Variants in ESRRG observed in about 807,000 individuals in gnomAD.
The protein encoded by ESRRG is estrogen-related receptor gamma.
A neutral mutation model predicts 44.0 loss-of-function variants in ESRRG; 13 were observed. The observed-to-expected ratio is 0.30, with a 90% CI of 0.19 to 0.47. ESRRG has a LOEUF of 0.47. Ranked by LOEUF, ESRRG falls within the 20% of genes least tolerant of loss-of-function variation. The pLI, the probability that ESRRG is intolerant of heterozygous loss-of-function variation, is 1.00. For synonymous variants in ESRRG, 215 were observed against 214.6 expected (o/e 1.00, Z -0.02); for missense variants, 395 against 580.6 (o/e 0.68, Z 3.29).
chr1:216,753,033 T>C (rs777344908), intron 2 of ESRRG, among the ~76,000 whole-genome samples: 9 of 152,198 alleles, frequency 5.9e-5, no homozygotes, highest in Non-Finnish European at 8.8e-5. Flanking sequence ...AGTAAGTTTA[T>C]ACCAGGATGA....
intron 2 of ESRRG, among the ~76,000 whole-genome samples, chr1:216,766,178 A>G (rs2093065763): frequency 6.6e-6 from 1 of 152,054 alleles, no homozygotes; most frequent in African/African-American, 2.4e-5. Flanking sequence ...TTATTATGTT[A>G]GTATTATGTC....
chr1:216,677,631 C>A lies in ESRRG; in HGVS notation c.57-140G>T, dbSNP rs1223000957. The A allele has an allele frequency of 5.5e-6, 4 of 732,942 alleles. No individual in the cohort carries two copies. In the East Asian group the frequency reaches 1.1e-4, roughly 20 times the overall value. 45.4% of individuals were successfully genotyped at this position (732,942 alleles called of 1,614,324 possible). ...GTAAAAGGAGGAAAAAAACAGAATT[C>A]ATATGTTAAAGACATTGCTCTTTGA... On this transcript the variant is annotated intron_variant, in intron 1 of 6. Coordinates refer to ENST00000408911, the MANE Select transcript of ESRRG (RefSeq NM_001438.4).
intron 2 of ESRRG, among the ~76,000 whole-genome samples, chr1:216,657,382 T>C (rs918692317): frequency 1.3e-5 from 2 of 152,184 alleles, no homozygotes; most frequent in African/African-American, 2.4e-5. Flanking sequence ...TTCCACCAAA[T>C]ACTTTTTGGT....
At chr1:216,948,825 A>G (rs2066499960) in intron 1 of ESRRG, among the ~76,000 whole-genome samples, 1 of 152,182 alleles carries the variant, frequency 6.6e-6, no homozygotes, top group Non-Finnish European at 1.5e-5. Context: ...TAAGGCACTG[A>G]GGAATTAATG....
Position 216,649,346 on chromosome 1 carries a change from C to A in ESRRG, c.589+1627G>T, listed in dbSNP as rs143414143. The stretch of plus-strand genomic sequence containing the variant: ...GCCAAAGGCTATACCATAAAAAGTA[C>A]CCCCATCCTCATTTTCATTCACCAA... On this transcript the variant is annotated intron_variant, in intron 3 of 6. Transcript: ENST00000408911. Among the ~76,000 whole-genome samples, 583 of 152,022 alleles carry A rather than the reference C, an allele frequency of 3.8e-3. 4 individuals are homozygous for A. The highest frequency in any genetic ancestry group is 0.013 in the African/African-American group (555 of 41,496).
intron 2 of ESRRG, among the ~76,000 whole-genome samples, chr1:216,821,209 G>A (rs754296787): frequency 1.3e-5 from 2 of 152,134 alleles, no homozygotes; most frequent in African/African-American, 2.4e-5. Context: ...CAGGACAAAT[G>A]TGTCCATTTA....
At position 216,843,141 on chromosome 1, in the gene ESRRG, C is replaced by CTT. The variant is rs5780933; in HGVS notation, c.-14+96439_-14+96440dup. 3.2e-3 allele frequency among the ~76,000 whole-genome samples: 482 copies of CTT among 149,770 alleles called. 2 individuals carry two copies. The highest frequency in any genetic ancestry group is 0.011 in the African/African-American group (439 of 40,774). On this transcript the variant is annotated intron_variant, in intron 2 of 7. Transcript: ENST00000359162. ...GAATGGGAAATAAATGAGAGATAGT[C>CTT]TTTTTTTTTTCTTAAATTTCCATGC...
chr1:216,585,783 C>G (rs1248631903), intron 3 of ESRRG, among the ~76,000 whole-genome samples: 1 of 151,920 alleles, frequency 6.6e-6, no homozygotes, highest in Non-Finnish European at 1.5e-5. Flanking sequence ...TAAAAAGTTA[C>G]TTTTCCCAGC....
intron 1 of ESRRG, among the ~76,000 whole-genome samples, chr1:217,133,641 C>CTTTCTT (rs748711287): frequency 0.016 from 653 of 41,684 alleles, 6 homozygotes; most frequent in African/African-American, 0.039. Flanking sequence ...TTCTCTCTCT[C>CTTTCTT]TCTCTCTTTC....
At chr1:216,640,100 T>G (rs1224981053) in intron 3 of ESRRG, among the ~76,000 whole-genome samples, 8 of 152,184 alleles carry the variant, frequency 5.3e-5, no homozygotes, top group African/African-American at 1.4e-4. Flanking sequence ...GTTACTACTG[T>G]GCTGGGGCTG....
chr1:217,127,416 C>T (rs945976250), intron 1 of ESRRG, among the ~76,000 whole-genome samples: 1 of 152,212 alleles, frequency 6.6e-6, no homozygotes, highest in African/African-American at 2.4e-5. Context: ...TGAAAACTCA[C>T]CTCCAGCTGA....
At chr1:216,867,331 C>A (rs1459219139) in intron 2 of ESRRG, among the ~76,000 whole-genome samples, 1 of 152,122 alleles carries the variant, frequency 6.6e-6, no homozygotes, top group Non-Finnish European at 1.5e-5. Flanking sequence ...CTCCTTTTTA[C>A]ACAGCCAAAT....
chr1:217,134,441 A>G (rs886196345), intron 1 of ESRRG, among the ~76,000 whole-genome samples: 1 of 152,218 alleles, frequency 6.6e-6, no homozygotes, highest in Non-Finnish European at 1.5e-5. Flanking sequence ...TGCGCGCCAG[A>G]GAAGCGAAGC....
chr1:216,541,600 GTGTGTGT>G (rs2052770398), intron 5 of ESRRG, among the ~76,000 whole-genome samples: 1 of 141,798 alleles, frequency 7.1e-6, no homozygotes, highest in Non-Finnish European at 1.5e-5. Flanking sequence ...GTGTGTGTGT[GTGTGTGT>G]ATGTGATCAG....
intron 5 of ESRRG, among the ~76,000 whole-genome samples, chr1:216,528,965 T>C (rs11572807): frequency 0.015 from 2,329 of 152,218 alleles, 71 homozygotes; most frequent in African/African-American, 0.052. Flanking sequence ...AGCAGCAGAT[T>C]AGACAGTTAC....
At chr1:216,915,146 A>G (rs192951723) in intron 2 of ESRRG, among the ~76,000 whole-genome samples, 384 of 152,314 alleles carry the variant, frequency 2.5e-3, no homozygotes, top group Admixed American at 4.2e-3. Context: ...TGTGACTGCC[A>G]GAGATTGCCA....
In ESRRG at chr1:216,633,467, C is replaced by T. The variant is rs150650140; in HGVS notation, c.589+17506G>A. Reference sequence around the variant, plus strand: ...TACACAATGAATAAACTGTCAAATCCGAGCAAGCATTGTACATATGCTGCA... The same window carrying T: ...TACACAATGAATAAACTGTCAAATCTGAGCAAGCATTGTACATATGCTGCA... On this transcript the variant is annotated intron_variant, in intron 3 of 6. Transcript: ENST00000408911. Among the ~76,000 whole-genome samples, 143 of 152,258 alleles carry T rather than the reference C, an allele frequency of 9.4e-4. 1 individual carries two copies. Among genetic ancestry groups the T allele is most frequent in the African/African-American group, 3.2e-3 (134 of 41,544 alleles).
At chr1:216,507,283 C>A (rs1304657589) in intron 6 of ESRRG, 100 bp from the exon 7 acceptor site, 6 of 763,184 alleles carry the variant, frequency 7.9e-6, no homozygotes, top group Non-Finnish European at 1.0e-5. Context: ...TATTTTTGAA[C>A]TTCTCTGAGC....
rs182004272 is a variant in ESRRG, at chr1:216,773,104, A to G, written c.-13-95613T>C. Among the ~76,000 whole-genome samples, 139 of 152,230 alleles carry G rather than the reference A, an allele frequency of 9.1e-4. 1 individual carries two copies. The highest frequency in any genetic ancestry group is 3.2e-3 in the African/African-American group (134 of 41,556). ...AGAAGTCAAACAAACAAATCAAGGC[A>G]TGAAAGAAATCTTAACCAAAGAATC... On this transcript the variant is annotated intron_variant, in intron 2 of 7. Coordinates refer to the ESRRG transcript ENST00000359162.
Sources: allele counts gnomAD v4.1 joint callset (sites outside exome capture counted in the v4.1 genomes callset), GRCh38; gene constraint gnomAD v4.1.1; transcripts MANE v1.5; gene names NCBI Gene and HGNC (gene_info 2026-07-23, HGNC 2026-07-21).